Variants in MAD1L1 observed in about 807,000 individuals in gnomAD.
The protein encoded by MAD1L1 is mitotic spindle assembly checkpoint protein MAD1.
In MAD1L1, 95 loss-of-function variants were observed where a neutral mutation model predicts 96.9. The observed-to-expected ratio is 0.98, with a 90% CI of 0.83 to 1.16. MAD1L1 has a LOEUF of 1.16. Among genes scored for constraint, MAD1L1 ranks in the 50% most tolerant of loss-of-function variants. The pLI, the probability that MAD1L1 is intolerant of heterozygous loss-of-function variation, is 0.00. For synonymous variants in MAD1L1, 473 were observed against 396.6 expected (o/e 1.19, Z -2.29); for missense variants, 1,007 against 954.4 (o/e 1.06, Z -0.73).
chr7:2,222,211 C>A (rs1562386518), intron 5 of MAD1L1, among the ~76,000 whole-genome samples: 1 of 151,930 alleles, frequency 6.6e-6, no homozygotes, highest in Non-Finnish European at 1.5e-5. Flanking sequence ...GTCCCACAGG[C>A]TGGGACTACA....
intron 17 of MAD1L1, among the ~76,000 whole-genome samples, chr7:1,901,062 C>G (rs1300687676): frequency 1.3e-5 from 2 of 152,126 alleles, no homozygotes; most frequent in Admixed American, 6.5e-5. Flanking sequence ...ATCCTCCATG[C>G]CACACAGACC....
chr7:2,222,716 G>A lies in MAD1L1; in HGVS notation c.330C>T (p.Ile110=). 6.2e-7 allele frequency: 1 copy of A among 1,608,870 alleles called. No individual in the cohort carries two copies. Among genetic ancestry groups the A allele is most frequent in the Non-Finnish European group, 8.5e-7 (1 of 1,179,560 alleles). ...VDRNQELLTR[I]RQLQEREAGA... is the part of the protein sequence containing the mutation. ...CGGCCTCCCGCTCCTGAAGCTGCCG[G>A]ATGCGCGTCAGGAGCTCCTGGTTGC... is the stretch of plus-strand genomic sequence containing the variant. The change falls in exon 5 of 19, where the codon ATC becomes ATT. Residue 110 remains isoleucine, a synonymous_variant. Transcript: ENST00000265854.
At chr7:2,175,121 T>C (rs1202223416) in intron 10 of MAD1L1, 2 of 152,158 alleles carry the variant, frequency 1.3e-5, no homozygotes, top group African/African-American at 4.8e-5. Flanking sequence ...AGAGTTCACT[T>C]ACCGTAGTCC....
Position 2,052,589 on chromosome 7 carries a change from G to A in MAD1L1, c.1218+16605C>T, listed in dbSNP as rs558696814. Among the ~76,000 whole-genome samples, 5 of 152,302 alleles carry A rather than the reference G, an allele frequency of 3.3e-5. 1 individual carries two copies. Among genetic ancestry groups the A allele is most frequent in the Admixed American group, 1.3e-4 (2 of 15,306 alleles). ...GGTATACAGTGGAAACCCTACTTAC[G>A]TTTATAAGTCCTTATATCTTACAAA... On this transcript the variant is annotated intron_variant, in intron 12 of 18. Transcript: ENST00000265854.
intron 11 of MAD1L1, among the ~76,000 whole-genome samples, chr7:2,094,165 G>A (rs59586260): frequency 3.8e-4 from 58 of 152,292 alleles, no homozygotes; most frequent in African/African-American, 1.3e-3. Flanking sequence ...TGGCCTCAAC[G>A]CCAGCCACAA....
At chr7:2,068,623 T>C (rs377199580) in intron 12 of MAD1L1, among the ~76,000 whole-genome samples, 9 of 152,076 alleles carry the variant, frequency 5.9e-5, no homozygotes, top group East Asian at 5.8e-4. Context: ...CCGCCTTGTC[T>C]TCTGAAATTT....
intron 18 of MAD1L1, among the ~76,000 whole-genome samples, chr7:1,893,766 G>A (rs938181294): frequency 6.6e-6 from 1 of 152,198 alleles, no homozygotes; most frequent in Non-Finnish European, 1.5e-5. Flanking sequence ...AGTCTCACAG[G>A]AGTGCAGTGG....
chr7:2,078,723 C>G (rs1012019047), intron 11 of MAD1L1, among the ~76,000 whole-genome samples: 1 of 152,220 alleles, frequency 6.6e-6, no homozygotes. Context: ...AAAGCAGCAG[C>G]GCCACCCCCA....
intron 18 of MAD1L1, among the ~76,000 whole-genome samples, chr7:1,835,664 C>G (rs1782905842): frequency 6.6e-6 from 1 of 152,022 alleles, no homozygotes; most frequent in Non-Finnish European, 1.5e-5. Flanking sequence ...GGATCTCACA[C>G]AAGAAAGAAT....
rs146376029 is a variant in MAD1L1 at position 2,146,150 on chromosome 7, C to T, written c.1073+3002G>A. On this transcript the variant is annotated intron_variant, in intron 11 of 18. Transcript: ENST00000265854. This position sits in a 1 kb window ranked among gnomAD's most constrained non-coding sequence, Gnocchi z 6.2. The stretch of plus-strand genomic sequence containing the variant: ...AAAACAGGCACACGAATGACCCAGC[C>T]GTCACTTCAGAAGCTCGGCCTGAGG... 6.6e-5 allele frequency among the ~76,000 whole-genome samples: 10 copies of T among 152,318 alleles called. No homozygotes were observed. Among genetic ancestry groups the T allele is most frequent in the Non-Finnish European group, 1.2e-4 (8 of 68,028 alleles).
At chr7:1,867,821 T>C (rs1784851435) in intron 18 of MAD1L1, among the ~76,000 whole-genome samples, 1 of 152,164 alleles carries the variant, frequency 6.6e-6, no homozygotes, top group African/African-American at 2.4e-5. Flanking sequence ...TCTGGGACAA[T>C]AATTGGAGCT....
chr7:2,156,821 C>CAAA (rs796679600), intron 10 of MAD1L1, among the ~76,000 whole-genome samples: 3 of 91,568 alleles, frequency 3.3e-5, no homozygotes, highest in South Asian at 3.2e-4. Context: ...GACTCCATCT[C>CAAA]AAAAAAAAAA....
chr7:1,821,213 C>T (rs1417152055), intron 18 of MAD1L1, among the ~76,000 whole-genome samples: 1 of 151,808 alleles, frequency 6.6e-6, no homozygotes, highest in African/African-American at 2.4e-5. Flanking sequence ...TCATAACAAA[C>T]TGGATGGATT....
chr7:1,940,945 C>G lies in MAD1L1; in HGVS notation c.1597-4048G>C, dbSNP rs375670331. On this transcript the variant is annotated intron_variant, in intron 16 of 18. Transcript: ENST00000265854. The stretch of plus-strand genomic sequence containing the variant: ...TGAGACCCTCCTCCCCCAGGCCTCA[C>G]CCTCCTCTTCCTCCCCCCGCAGGCC... Among the ~76,000 whole-genome samples the G allele has an allele frequency of 8.7e-3, 932 of 107,398 alleles. 3 individuals are homozygous for G. Among genetic ancestry groups the G allele is most frequent in the African/African-American group, 0.017 (442 of 25,918 alleles). 70.5% of individuals were successfully genotyped at this position (107,398 alleles called of 152,430 possible).
chr7:2,136,834 C>A (rs1201617106), intron 11 of MAD1L1, among the ~76,000 whole-genome samples: 1 of 152,200 alleles, frequency 6.6e-6, no homozygotes, highest in African/African-American at 2.4e-5. Context: ...AATCCCAGCT[C>A]GGCATGGAAA....
At chr7:1,997,034 T>G (rs4721295) in intron 14 of MAD1L1, among the ~76,000 whole-genome samples, 51,098 of 152,052 alleles carry the variant, frequency 0.34, 9,557 homozygotes, top group East Asian at 0.57. Context: ...GATACGACGA[T>G]GGCCCAGGAA....
chr7:2,118,588 G>T (rs1054038580), intron 11 of MAD1L1, among the ~76,000 whole-genome samples: 1 of 152,244 alleles, frequency 6.6e-6, no homozygotes, highest in South Asian at 2.1e-4. Context: ...CAAGGCTGTT[G>T]TTGGTGACAG....
chr7:1,999,637 T>C (rs1305210640), intron 14 of MAD1L1, among the ~76,000 whole-genome samples: 1 of 152,052 alleles, frequency 6.6e-6, no homozygotes, highest in Non-Finnish European at 1.5e-5. Context: ...CCCAGCCCCT[T>C]TCGATGCCCC....
intron 10 of MAD1L1, among the ~76,000 whole-genome samples, chr7:2,168,010 C>A (rs1300675085): frequency 6.6e-6 from 1 of 152,192 alleles, no homozygotes; most frequent in African/African-American, 2.4e-5. Context: ...ATTGGACGGG[C>A]ATGGTGGCTC....
Sources: gnomAD v4.1 joint callset for allele counts (sites outside exome capture counted in the v4.1 genomes callset) on GRCh38, gnomAD v4.1.1 for gene constraint, Gnocchi (gnomAD v3.1) non-coding constraint, MANE v1.5 for transcripts, NCBI Gene and HGNC (gene_info 2026-07-23, HGNC 2026-07-21) for gene names.